MACC1: variants seen among roughly 807,000 people sequenced by gnomAD.
The protein encoded by MACC1 is metastasis-associated in colon cancer protein 1.
In MACC1, 79 loss-of-function variants were observed where a neutral mutation model predicts 70.7. The observed-to-expected ratio is 1.12, with a 90% CI of 0.93 to 1.35. The LOEUF is 1.35. Ranked by LOEUF, MACC1 falls within the 40% of genes most tolerant of loss-of-function variation. MACC1 has a pLI of 0.00. For missense variants in MACC1, 1,106 were observed against 978.1 expected, an observed-to-expected ratio of 1.13 and a Z score of -1.74; for synonymous variants, 361 against 347.2, an observed-to-expected ratio of 1.04 and a Z score of -0.44.
chr7:20,177,822 T>A (rs987922205), intron 1 of MACC1, among the ~76,000 whole-genome samples: 5 of 151,724 alleles, frequency 3.3e-5, no homozygotes, highest in African/African-American at 9.7e-5. Flanking sequence ...TTTTTTCCCA[T>A]CTTCTTATTT....
chr7:20,211,273 AATAAT>A (rs1230116236), intron 1 of MACC1, among the ~76,000 whole-genome samples: 5 of 152,078 alleles, frequency 3.3e-5, no homozygotes, highest in South Asian at 2.1e-4. Context: ...AAATTAATTA[AATAAT>A]ATAATATAAT....
At chr7:20,150,171 T>C (rs2128101249) in intron 6 of MACC1, among the ~76,000 whole-genome samples, 1 of 152,320 alleles carries the variant, frequency 6.6e-6, no homozygotes, top group Non-Finnish European at 1.5e-5. Context: ...ATATTAACAG[T>C]TTATCCCAAT....
chr7:20,136,510 T>C lies in MACC1; in HGVS notation c.*4436A>G, dbSNP rs1037033669. On this transcript the variant is annotated 3_prime_UTR_variant, in exon 7 of 7. Transcript: ENST00000400331. ...CACATTTCTACAATGTTCAGTGAAATCTTGATGCTGAACATCAGATACATT... is the reference window on the plus strand; with the variant it reads ...CACATTTCTACAATGTTCAGTGAAACCTTGATGCTGAACATCAGATACATT... The C allele has an allele frequency of 5.3e-5, 8 of 152,232 alleles. No individual in the cohort carries two copies. Among genetic ancestry groups the C allele is most frequent in the African/African-American group, 1.7e-4 (7 of 41,448 alleles). 9.4% of individuals were successfully genotyped at this position (152,232 alleles called of 1,614,324 possible).
chr7:20,169,300 T>G (rs992706844), intron 2 of MACC1, among the ~76,000 whole-genome samples: 1 of 152,220 alleles, frequency 6.6e-6, no homozygotes, highest in Non-Finnish European at 1.5e-5. Context: ...GTTTAATTAT[T>G]GCAAGAGTAG....
At chr7:20,166,690 C>A (rs529318943) in intron 2 of MACC1, among the ~76,000 whole-genome samples, 1 of 152,162 alleles carries the variant, frequency 6.6e-6, no homozygotes, top group South Asian at 2.1e-4. Context: ...GTGCATTAAG[C>A]GGTATTAGAA....
At chr7:20,152,632 C>A (rs1781997590) in intron 6 of MACC1, among the ~76,000 whole-genome samples, 1 of 152,126 alleles carries the variant, frequency 6.6e-6, no homozygotes, top group African/African-American at 2.4e-5. Context: ...TTCCTTTCTG[C>A]TTCTGAGTGT....
intron 1 of MACC1, among the ~76,000 whole-genome samples, chr7:20,191,406 T>C (rs2128107114): frequency 6.6e-6 from 1 of 152,246 alleles, no homozygotes; most frequent in East Asian, 1.9e-4. Context: ...CTTGGACAGC[T>C]GGGATGAAGT....
rs1562575977 is a variant in MACC1, at chr7:20,136,668, G to C, written c.*4278C>G. 6.6e-6 allele frequency: 1 copy of C among 151,718 alleles called. No individual in the cohort carries two copies. Among genetic ancestry groups the C allele is most frequent in the Non-Finnish European group, 1.5e-5 (1 of 67,948 alleles). 9.4% of individuals were successfully genotyped at this position (151,718 alleles called of 1,614,324 possible). Reference sequence around the variant, plus strand: ...CATTTGATTCTGAAAAAATGTCTTTGGATTATCCCACCAATCATATTGATG... The same window carrying C: ...CATTTGATTCTGAAAAAATGTCTTTCGATTATCCCACCAATCATATTGATG... On this transcript the variant is annotated 3_prime_UTR_variant, in exon 7 of 7. Transcript: ENST00000400331.
intron 1 of MACC1, among the ~76,000 whole-genome samples, chr7:20,174,034 G>C (rs1047691285): frequency 6.6e-6 from 1 of 152,210 alleles, no homozygotes; most frequent in African/African-American, 2.4e-5. Context: ...TGGATGAACA[G>C]ACAACAACAT....
chr7:20,172,510 C>T (rs1782324439), intron 1 of MACC1, among the ~76,000 whole-genome samples: 1 of 151,864 alleles, frequency 6.6e-6, no homozygotes, highest in Admixed American at 6.6e-5. Flanking sequence ...CATATATACA[C>T]ACATATATAT....
intron 6 of MACC1, among the ~76,000 whole-genome samples, chr7:20,151,986 C>T (rs1781986233): frequency 6.6e-6 from 1 of 152,136 alleles, no homozygotes; most frequent in African/African-American, 2.4e-5. Flanking sequence ...GTTACTTATC[C>T]TCTCCATATC....
intron 6 of MACC1, among the ~76,000 whole-genome samples, chr7:20,144,425 G>T (rs75202355): frequency 0.078 from 11,801 of 152,142 alleles, 1,350 homozygotes; most frequent in African/African-American, 0.25. Context: ...GGTTTGGGTG[G>T]CAGAGTCCTG....
intron 2 of MACC1, among the ~76,000 whole-genome samples, chr7:20,164,893 C>CTT (rs5882730): frequency 0.14 from 20,747 of 148,712 alleles, 1,503 homozygotes; most frequent in Non-Finnish European, 0.16. Flanking sequence ...TACCTAAACT[C>CTT]TTTTTTTTTT....
chr7:20,154,138 A>G (rs1782020845), intron 6 of MACC1, 55 bp downstream of exon 6: 2 of 1,574,182 alleles, frequency 1.3e-6, no homozygotes, highest in Admixed American at 3.4e-5. Context: ...TGATTACATT[A>G]GTGTTACTTG....
chr7:20,181,718 A>T (rs1328123181), intron 1 of MACC1, among the ~76,000 whole-genome samples: 5 of 152,200 alleles, frequency 3.3e-5, no homozygotes, highest in Admixed American at 2.6e-4. Context: ...TAAAAGGTAC[A>T]ATGTAATGAG....
chr7:20,149,151 G>A (rs888548329), intron 6 of MACC1, among the ~76,000 whole-genome samples: 1 of 152,140 alleles, frequency 6.6e-6, no homozygotes, highest in African/African-American at 2.4e-5. Context: ...AAGCTGATCA[G>A]CCAAGACTTT....
In MACC1 at chr7:20,211,428, G is replaced by A. The variant is rs867778134; in HGVS notation, c.-218+5871C>T. 1.6e-4 allele frequency among the ~76,000 whole-genome samples: 25 copies of A among 152,214 alleles called. No individual in the cohort carries two copies. The Middle Eastern group carries it at 0.01, about 62-fold the overall frequency. Reference sequence around the variant, plus strand: ...GAAAAGTCATATGAATAATACTAAAGTTAATACCTGTGGAAAAGTCAGTCA... The same window carrying A: ...GAAAAGTCATATGAATAATACTAAAATTAATACCTGTGGAAAAGTCAGTCA... On this transcript the variant is annotated intron_variant, in intron 1 of 6. Coordinates refer to ENST00000400331, the MANE Select transcript of MACC1 (RefSeq NM_182762.4).
chr7:20,154,951 T>C (rs1023321314), intron 5 of MACC1, among the ~76,000 whole-genome samples: 2 of 151,768 alleles, frequency 1.3e-5, no homozygotes, highest in African/African-American at 4.8e-5. Context: ...TTGATGTTTA[T>C]AAGTTTAAAA....
In MACC1 at chr7:20,158,884, T is replaced by G. The variant is rs973450573; in HGVS notation, c.1477A>C (p.Asn493His). ...FDFCVQVEPP[N>H]GEPVAQFSIT... ...GAGAACTGTGCAACTGGTTCACCAT[T>G]GGGAGGCTCCACTTGAACACAAAAA... Residue 493 changes from asparagine (N) to histidine (H), a missense_variant, in exon 5 of 7, where the codon AAT (asparagine) becomes CAT (histidine). Physicochemically the swap from Asn to His is moderately conservative, Grantham distance 68 (BLOSUM62 1). Transcript: ENST00000400331. The G allele has an allele frequency of 6.2e-6, 10 of 1,613,982 alleles. No homozygotes were observed. The highest frequency in any genetic ancestry group is 8.5e-6 in the Non-Finnish European group (10 of 1,180,026).
Sources: gnomAD v4.1 joint callset for allele counts (sites outside exome capture counted in the v4.1 genomes callset) on GRCh38, gnomAD v4.1.1 for gene constraint, MANE v1.5 for transcripts, NCBI Gene and HGNC (gene_info 2026-07-23, HGNC 2026-07-21) for gene names.